The following SLC25A48 variants were observed in gnomAD, a reference collection of about 807,000 sequenced individuals.
SLC25A48 encodes the protein CTC-321K16.1.
SLC25A48 carries 29 observed loss-of-function variants against 32.2 expected under a neutral mutation model. The observed-to-expected ratio is 0.90, with a 90% CI of 0.67 to 1.23. The LOEUF (loss-of-function observed/expected upper bound fraction) is 1.23, where lower values mean the gene tolerates loss of function less well. Among genes scored for constraint, SLC25A48 ranks in the 50% most tolerant of loss-of-function variants. The pLI is 0.00. For synonymous variants in SLC25A48, 164 were observed against 172.3 expected, an observed-to-expected ratio of 0.95 and a Z score of 0.38; for missense variants, 399 against 422.7, an observed-to-expected ratio of 0.94 and a Z score of 0.49.
intron 3 of SLC25A48, chr5:135,653,707 C>A: frequency 2.4e-6 from 1 of 423,314 alleles, no homozygotes; most frequent in South Asian, 1.7e-5. Context: ...AGACCAATCT[C>A]CACTCCCCAT....
At chr5:135,747,697 TAAG>T (rs918771857) in intron 3 of SLC25A48, among the ~76,000 whole-genome samples, 2 of 152,190 alleles carry the variant, frequency 1.3e-5, no homozygotes, top group Non-Finnish European at 2.9e-5. Flanking sequence ...CCCCAGACAC[TAAG>T]AATATAGAAA....
intron 3 of SLC25A48, among the ~76,000 whole-genome samples, chr5:135,787,650 G>A (rs112814349): frequency 2.3e-4 from 35 of 151,708 alleles, no homozygotes; most frequent in African/African-American, 6.0e-4. Flanking sequence ...GATATTATTC[G>A]TAATATCCTA....
chr5:135,758,922 GTT>G (rs1303840600), intron 3 of SLC25A48, among the ~76,000 whole-genome samples: 1 of 150,664 alleles, frequency 6.6e-6, no homozygotes, highest in Non-Finnish European at 1.5e-5. Flanking sequence ...AATATTAAGT[GTT>G]AACACATTAT....
At chr5:135,885,261 C>T (rs1245188587) in intron 7 of SLC25A48, among the ~76,000 whole-genome samples, 1 of 152,196 alleles carries the variant, frequency 6.6e-6, no homozygotes, top group Non-Finnish European at 1.5e-5. Context: ...TTTCCCCCAT[C>T]CCATCCAGTG....
chr5:135,631,668 A>C (rs987334995), intron 2 of SLC25A48, among the ~76,000 whole-genome samples: 25 of 152,344 alleles, frequency 1.6e-4, no homozygotes, highest in African/African-American at 3.6e-4. Flanking sequence ...TGTCAAAGTC[A>C]TTCTCATGTT....
intron 3 of SLC25A48, among the ~76,000 whole-genome samples, chr5:135,774,333 T>G (rs928168304): frequency 1.1e-4 from 16 of 151,878 alleles, no homozygotes; most frequent in Admixed American, 9.2e-4. Context: ...AGGATAATAT[T>G]ACTCCCAATA....
At chr5:135,712,418 C>G (rs146527880) in intron 3 of SLC25A48, among the ~76,000 whole-genome samples, 2 of 152,260 alleles carry the variant, frequency 1.3e-5, no homozygotes, top group African/African-American at 2.4e-5. Flanking sequence ...TTTCTGGTGA[C>G]TTCCTTGGGC....
At chr5:135,606,310 C>A (rs1751931294) in intron 1 of SLC25A48, among the ~76,000 whole-genome samples, 1 of 152,116 alleles carries the variant, frequency 6.6e-6, no homozygotes, top group African/African-American at 2.4e-5. Context: ...TAATTTGAGA[C>A]CCCAGAAATG....
At chr5:135,853,012 CA>C (rs1339412111) in intron 4 of SLC25A48, among the ~76,000 whole-genome samples, 191 bp downstream of exon 4, 1 of 152,184 alleles carries the variant, frequency 6.6e-6, no homozygotes, top group Non-Finnish European at 1.5e-5. Flanking sequence ...ATGCAAATAT[CA>C]CAATAAAAGT....
At chr5:135,600,976 C>A (rs1377985722) in intron 1 of SLC25A48, 1 of 151,608 alleles carries the variant, frequency 6.6e-6, no homozygotes, top group Admixed American at 6.6e-5. Flanking sequence ...AGGTGTGAGA[C>A]ACCGTGCCCG....
At chr5:135,798,599 T>C (rs755379191) in intron 3 of SLC25A48, among the ~76,000 whole-genome samples, 27 of 151,636 alleles carry the variant, frequency 1.8e-4, no homozygotes, top group Non-Finnish European at 3.1e-4. Flanking sequence ...ACGAAGGTAT[T>C]ATGATTAATA....
chr5:135,726,015 G>A (rs536282129), intron 3 of SLC25A48, among the ~76,000 whole-genome samples: 5 of 152,326 alleles, frequency 3.3e-5, no homozygotes, highest in African/African-American at 1.2e-4. Context: ...GGTTGCTGAT[G>A]GACACTGACA....
At chr5:135,796,165 G>A (rs766036017) in intron 3 of SLC25A48, among the ~76,000 whole-genome samples, 5 of 151,352 alleles carry the variant, frequency 3.3e-5, no homozygotes, top group African/African-American at 9.7e-5. Flanking sequence ...TTTTTATATC[G>A]TGTGGTGTGT....
rs1477698423 is a variant in SLC25A48 at position 135,748,392 on chromosome 5, G to A, written c.-520-64131G>A. ...GGGTGCAAGCGATTCTCCTGCCTTG[G>A]CCTCCCAAGTAGCTGGGACTCAGGT... On this transcript the variant is annotated intron_variant, in intron 3 of 10. Transcript: ENST00000646290. 5.3e-5 allele frequency among the ~76,000 whole-genome samples: 8 copies of A among 152,126 alleles called. No homozygotes were observed. The East Asian group carries it at 1.5e-3, about 29-fold the overall frequency.
rs10569008 is a variant in SLC25A48, at chr5:135,871,060, GACACACACACACACACACACACAC to G, written c.422-373_422-350del. Among the ~76,000 whole-genome samples the G allele has an allele frequency of 8.6e-3, 1,187 of 137,672 alleles. 22 individuals are homozygous for G. The highest frequency in any genetic ancestry group is 0.03 in the African/African-American group (1,147 of 38,128). The allele number at this position is 137,672 out of a possible 152,430, so 90.3% of individuals were successfully genotyped here. ...CTGTGCATAAATAAATGTGTACACA[GACACACACACACACACACACACAC>G]ACACACACACACACACACACACACA... On this transcript the variant is annotated intron_variant, in intron 4 of 7. Transcript: ENST00000681962.
At chr5:135,786,697 C>T (rs1188807980) in intron 3 of SLC25A48, among the ~76,000 whole-genome samples, 1 of 151,896 alleles carries the variant, frequency 6.6e-6, no homozygotes. Flanking sequence ...CATGTGCGTA[C>T]ACCCTCTGTG....
At position 135,629,600 on chromosome 5, in the gene SLC25A48, T is replaced by A. The variant is rs1261125427; in HGVS notation, c.-709+224T>A. ...AAGAGATGGAAGGGAAAGAAGCCGA[T>A]AAAAGATGTGTTAGCCAGCAGGCTG... On this transcript the variant is annotated intron_variant, in intron 2 of 10. Transcript: ENST00000646290. This position sits in a 1 kb window ranked among gnomAD's most constrained non-coding sequence, Gnocchi z 4.8. 1.3e-5 allele frequency among the ~76,000 whole-genome samples: 2 copies of A among 152,062 alleles called. No individual in the cohort carries two copies. Among genetic ancestry groups the A allele is most frequent in the African/African-American group, 2.4e-5 (1 of 41,396 alleles).
intron 3 of SLC25A48, among the ~76,000 whole-genome samples, chr5:135,642,514 C>G (rs554151445): frequency 6.6e-6 from 1 of 152,130 alleles, no homozygotes; most frequent in Non-Finnish European, 1.5e-5. Context: ...CCCAAAGAGC[C>G]GGGTGGAAAT....
intron 4 of SLC25A48, among the ~76,000 whole-genome samples, chr5:135,859,246 C>A (rs1295251954): frequency 2.0e-5 from 3 of 152,104 alleles, no homozygotes; most frequent in Non-Finnish European, 4.4e-5. Flanking sequence ...GCCTCACAAG[C>A]ATGGCAGAAG....
Sources: allele counts gnomAD v4.1 joint callset (sites outside exome capture counted in the v4.1 genomes callset), GRCh38; gene constraint gnomAD v4.1.1; non-coding constraint Gnocchi (gnomAD v3.1); transcripts MANE v1.5; gene names NCBI Gene and HGNC (gene_info 2026-07-23, HGNC 2026-07-21).